NTN1: variants seen among roughly 807,000 people sequenced by gnomAD.
NTN1 encodes the protein netrin 1.
A neutral mutation model predicts 54.2 loss-of-function variants in NTN1; 11 were observed. The observed-to-expected ratio is 0.20, with a 90% CI of 0.13 to 0.34. NTN1 has a LOEUF of 0.34. Ranked by LOEUF, NTN1 falls within the 10% of genes least tolerant of loss-of-function variation. NTN1 has a pLI of 1.00. For synonymous variants in NTN1, 371 were observed against 382.0 expected (o/e 0.97, Z 0.33); for missense variants, 740 against 893.1 (o/e 0.83, Z 2.18).
chr17:9,156,993 C>T (rs2092344690), intron 2 of NTN1, among the ~76,000 whole-genome samples: 1 of 141,010 alleles, frequency 7.1e-6, no homozygotes, highest in Non-Finnish European at 1.6e-5. Flanking sequence ...TCAACCCCAT[C>T]CATCCGTCCA....
chr17:9,198,341 A>G (rs756290858), intron 5 of NTN1, among the ~76,000 whole-genome samples: 1 of 152,226 alleles, frequency 6.6e-6, no homozygotes, highest in East Asian at 1.9e-4. Context: ...GCTATGTTAC[A>G]TGGGCAAGGG....
chr17:9,004,222 C>T, the NTN1 span, among the ~76,000 whole-genome samples: 1 of 152,250 alleles, frequency 6.6e-6, no homozygotes, highest in African/African-American at 2.4e-5. Context: ...CCCAGACCCT[C>T]CGGAGCGTGC....
chr17:9,177,995 G>T (rs2092405468), intron 3 of NTN1, among the ~76,000 whole-genome samples: 1 of 152,296 alleles, frequency 6.6e-6, no homozygotes, highest in South Asian at 2.1e-4. Flanking sequence ...AGGAGTTCGA[G>T]ACCAGCCTGG....
intron 2 of NTN1, among the ~76,000 whole-genome samples, chr17:9,114,156 A>ATATATATAT (rs1343963464): frequency 3.8e-4 from 33 of 87,234 alleles, no homozygotes; most frequent in African/African-American, 1.4e-3. Context: ...AAAAAAAGAA[A>ATATATATAT]AAAAAAAAAA....
intron 6 of NTN1, among the ~76,000 whole-genome samples, chr17:9,227,451 C>T (rs1905616766): frequency 6.8e-6 from 1 of 147,354 alleles, no homozygotes; most frequent in Non-Finnish European, 1.5e-5. Flanking sequence ...ACATCAGATA[C>T]ACAGACTGTC....
At chr17:9,166,314 G>A (rs1297759275) in intron 3 of NTN1, among the ~76,000 whole-genome samples, 1 of 149,570 alleles carries the variant, frequency 6.7e-6, no homozygotes, top group Non-Finnish European at 1.5e-5. Context: ...AAATTTTGTA[G>A]ATGTGGTGCT....
chr17:9,070,259 G>GT (rs2092028144), intron 2 of NTN1, among the ~76,000 whole-genome samples: 1 of 152,206 alleles, frequency 6.6e-6, no homozygotes, highest in Non-Finnish European at 1.5e-5. Context: ...TTAGAACAGT[G>GT]TTTGGTTCAA....
At chr17:9,011,689 A>G in the NTN1 span, among the ~76,000 whole-genome samples, 1 of 152,148 alleles carries the variant, frequency 6.6e-6, no homozygotes, top group Non-Finnish European at 1.5e-5. Context: ...TCCCAGGTTC[A>G]AGTGATTCTC....
intron 3 of NTN1, chr17:9,179,154 A>G (rs575641948): frequency 1.3e-5 from 2 of 152,252 alleles, no homozygotes; most frequent in East Asian, 3.9e-4. Flanking sequence ...CTTTGTTTGC[A>G]CATTTAATCA....
chr17:9,106,402 A>G (rs373295477), intron 2 of NTN1, among the ~76,000 whole-genome samples: 1 of 152,136 alleles, frequency 6.6e-6, no homozygotes, highest in African/African-American at 2.4e-5. Context: ...AATATCCTAC[A>G]TGTAGTTTTG....
rs1905283223 is a variant in NTN1 at position 9,219,479 on chromosome 17, G to T, written c.1412-1689G>T. Among the ~76,000 whole-genome samples the T allele has an allele frequency of 6.6e-6, 1 of 152,200 alleles. No homozygotes were observed. The highest frequency in any genetic ancestry group is 6.5e-5 in the Admixed American group (1 of 15,286). On this transcript the variant is annotated intron_variant, in intron 5 of 6. Transcript: ENST00000173229. The surrounding 1 kb of genome is among the most constrained non-coding windows in gnomAD (Gnocchi z 4.5). Reference sequence around the variant, plus strand: ...TTCCTGAGACTGGTTCCTAACTGGGGGCCCCAAGAGTCTGGCACAGGAAGC... The same window carrying T: ...TTCCTGAGACTGGTTCCTAACTGGGTGCCCCAAGAGTCTGGCACAGGAAGC...
intron 2 of NTN1, among the ~76,000 whole-genome samples, chr17:9,100,373 C>T (rs2092146379): frequency 6.6e-6 from 1 of 152,186 alleles, no homozygotes; most frequent in African/African-American, 2.4e-5. Flanking sequence ...TCTCGGCTCA[C>T]TCCAAGCTCC....
chr17:9,052,832 C>G (rs1193559331), intron 2 of NTN1, among the ~76,000 whole-genome samples: 1 of 152,184 alleles, frequency 6.6e-6, no homozygotes, highest in Non-Finnish European at 1.5e-5. Flanking sequence ...TGTATCCAAA[C>G]AAAATCCTAC....
At chr17:9,027,301 C>T (rs978846979) in intron 2 of NTN1, among the ~76,000 whole-genome samples, 2 of 152,096 alleles carry the variant, frequency 1.3e-5, no homozygotes, top group East Asian at 1.9e-4. Flanking sequence ...CTTTGCCAAG[C>T]GCTCACATTA....
rs562095024 is a variant in NTN1 at position 9,127,990 on chromosome 17, G to A, written c.1019-34823G>A. Among the ~76,000 whole-genome samples the A allele has an allele frequency of 6.0e-5, 9 of 150,094 alleles. No individual in the cohort carries two copies. In the South Asian group the frequency reaches 1.7e-3, roughly 28 times the overall value. ...AAATTAGCTGGGCATGGTGGCACACGCCTGTAATCCCAGCTACTCAGGAAG... is the reference window on the plus strand; with the variant it reads ...AAATTAGCTGGGCATGGTGGCACACACCTGTAATCCCAGCTACTCAGGAAG... On this transcript the variant is annotated intron_variant, in intron 2 of 6. Transcript: ENST00000173229.
intron 2 of NTN1, among the ~76,000 whole-genome samples, chr17:9,109,869 A>G (rs573234206): frequency 1.3e-5 from 2 of 152,296 alleles, no homozygotes; most frequent in African/African-American, 4.8e-5. Flanking sequence ...GATTATTGTG[A>G]GGTTAAGCAT....
intron 2 of NTN1, among the ~76,000 whole-genome samples, chr17:9,083,743 A>C (rs1429666760): frequency 6.6e-6 from 1 of 152,212 alleles, no homozygotes; most frequent in Non-Finnish European, 1.5e-5. Flanking sequence ...GACAGGTAGA[A>C]GACACTAAGT....
chr17:9,168,739 C>T (rs1387046830), intron 3 of NTN1, among the ~76,000 whole-genome samples: 1 of 152,174 alleles, frequency 6.6e-6, no homozygotes. Context: ...CTTCCTGACT[C>T]TAAGGCATTG....
At chr17:9,167,341 C>T (rs927239601) in intron 3 of NTN1, among the ~76,000 whole-genome samples, 18 of 152,148 alleles carry the variant, frequency 1.2e-4, no homozygotes, top group Admixed American at 9.8e-4. Flanking sequence ...CCAAAGACGA[C>T]GTTGCTATTT....
Sources: allele counts gnomAD v4.1 joint callset (sites outside exome capture counted in the v4.1 genomes callset), GRCh38; gene constraint gnomAD v4.1.1; non-coding constraint Gnocchi (gnomAD v3.1); transcripts MANE v1.5; gene names NCBI Gene and HGNC (gene_info 2026-07-23, HGNC 2026-07-21).